The following FBXO27 variants were observed in gnomAD, a reference collection of about 807,000 sequenced individuals.
FBXO27 encodes the protein F-box protein 27, also known as F-box only protein 27.
A neutral mutation model predicts 28.3 loss-of-function variants in FBXO27; 28 were observed. The ratio of observed to expected loss-of-function variants is 0.99; its 90% CI spans 0.73 to 1.36. The LOEUF is 1.36. Among genes scored for constraint, FBXO27 ranks in the 40% most tolerant of loss-of-function variants. The pLI is 0.00. For synonymous variants in FBXO27, 175 were observed against 167.3 expected, an observed-to-expected ratio of 1.05 and a Z score of -0.36; for missense variants, 388 against 394.1, an observed-to-expected ratio of 0.98 and a Z score of 0.13.
chr19:39,016,732 A>T (rs1186027015), intron 1 of FBXO27, among the ~76,000 whole-genome samples: 2 of 151,466 alleles, frequency 1.3e-5, no homozygotes, highest in Admixed American at 1.3e-4. Flanking sequence ...ATGCAGTGAG[A>T]TGAGATTGCA....
chr19:39,010,208 T>A (rs1362324895), intron 2 of FBXO27, among the ~76,000 whole-genome samples: 2 of 151,888 alleles, frequency 1.3e-5, no homozygotes, highest in African/African-American at 4.8e-5. Flanking sequence ...CAAATCAAGA[T>A]CATAAAGAGA....
intron 1 of FBXO27, among the ~76,000 whole-genome samples, chr19:39,015,664 G>A (rs1351654658): frequency 1.3e-5 from 2 of 152,104 alleles, no homozygotes; most frequent in Non-Finnish European, 2.9e-5. Context: ...GAAAAGACCT[G>A]GAGGAACCTT....
rs541465 is a variant in FBXO27 at position 39,032,343 on chromosome 19, C to T, written c.-26-90G>A. 36,654 of 1,328,324 alleles carry T rather than the reference C, an allele frequency of 0.028. 5,140 individuals carry two copies. In the African/African-American group the frequency reaches 0.39, roughly 14 times the overall value. The allele number at this position is 1,328,324 out of a possible 1,614,324, so 82.3% of individuals were successfully genotyped here. A position where few individuals can be genotyped will look rare whatever the true frequency, so the allele number is the denominator to read the frequency against. ...GCCCTGATTCTGCCAGCCGCACCCC[C>T]GTCTTCACCATCCCTGGGCCCCGTC... is the stretch of plus-strand genomic sequence containing the variant. On this transcript the variant is annotated intron_variant, in intron 1 of 5. Coordinates refer to ENST00000292853, the MANE Select transcript of FBXO27 (RefSeq NM_178820.5). This position sits in a 1 kb window ranked among gnomAD's most constrained non-coding sequence, Gnocchi z 4.7.
chr19:39,010,476 A>G (rs1171424446), intron 2 of FBXO27, among the ~76,000 whole-genome samples: 1 of 152,168 alleles, frequency 6.6e-6, no homozygotes, highest in Non-Finnish European at 1.5e-5. Flanking sequence ...GTCTCTCCTT[A>G]TGAGGTAGGA....
intron 2 of FBXO27, among the ~76,000 whole-genome samples, chr19:39,012,629 T>TTCTTC (rs1568457306): frequency 6.6e-5 from 10 of 151,040 alleles, no homozygotes; most frequent in African/African-American, 1.9e-4. Context: ...AATTCTAAAT[T>TTCTTC]TTCTTCTTTT....
Position 39,009,901 on chromosome 19 carries a change from C to T in FBXO27, c.252+4486G>A, listed in dbSNP as rs566333924. 1.3e-5 allele frequency among the ~76,000 whole-genome samples: 2 copies of T among 152,146 alleles called. 1 individual carries two copies. The highest frequency in any genetic ancestry group is 4.1e-4 in the South Asian group (2 of 4,820). On this transcript the variant is annotated intron_variant, in intron 2 of 2. Coordinates refer to the FBXO27 transcript ENST00000598394. ...CTCAGCTCATTGCAACCTGCGTCCC[C>T]TGGGTTCAAGTGATTCTCAGGCCTC...
chr19:39,022,146 C>CTTTTTT (rs532602600), downstream of FBXO27, among the ~76,000 whole-genome samples: 3 of 89,060 alleles, frequency 3.4e-5, no homozygotes, highest in Non-Finnish European at 6.3e-5. Context: ...ATTTTCTATT[C>CTTTTTT]TTTTTTTTTT....
Position 39,031,227 on chromosome 19 carries a change from C to T in FBXO27, c.458G>A (p.Cys153Tyr). 6.2e-7 allele frequency: 1 copy of T among 1,614,156 alleles called. No individual in the cohort carries two copies. The highest frequency in any genetic ancestry group is 1.1e-5 in the South Asian group (1 of 91,076). The change falls in exon 3 of 6, where the codon TGC (cysteine) becomes TAC (tyrosine). Residue 153 changes from cysteine to tyrosine, a missense_variant. By Grantham distance (194) the Cys-to-Tyr change is radical. Coordinates refer to ENST00000292853, the MANE Select transcript of FBXO27 (RefSeq NM_178820.5). The part of the protein sequence containing the change: ...TTVPGAPSQT[C>Y]FVTSFSWCCK... ...CATTCACCTGAATGAAGTCACGAAG[C>T]ACGTCTGAGAAGGGGCCCCAGGCAC...
downstream of FBXO27, among the ~76,000 whole-genome samples, chr19:39,020,948 G>A (rs182374439): frequency 3.1e-4 from 47 of 151,966 alleles, no homozygotes; most frequent in East Asian, 4.1e-3. Context: ...TCCGCCTCCC[G>A]GGTTCAAGTG....
downstream of FBXO27, among the ~76,000 whole-genome samples, chr19:39,022,110 C>A (rs78978029): frequency 2.8e-5 from 4 of 140,756 alleles, no homozygotes; most frequent in South Asian, 9.2e-4. Context: ...CTTTTTGAAA[C>A]TTTGTGGAAG....
At chr19:39,013,639 T>A (rs2072806276) in intron 2 of FBXO27, among the ~76,000 whole-genome samples, 1 of 146,814 alleles carries the variant, frequency 6.8e-6, no homozygotes, top group African/African-American at 2.5e-5. Flanking sequence ...AAAAAAAAAT[T>A]AAAAAAAATA....
intron 1 of FBXO27, among the ~76,000 whole-genome samples, chr19:39,014,730 CAAAA>C (rs1014281791): frequency 2.1e-4 from 32 of 151,364 alleles, no homozygotes; most frequent in African/African-American, 3.2e-4. Flanking sequence ...TGTCTAAAAA[CAAAA>C]AAACAAACAA....
chr19:39,022,253 G>A (rs374230390), downstream of FBXO27, among the ~76,000 whole-genome samples: 1 of 137,942 alleles, frequency 7.2e-6, no homozygotes, highest in East Asian at 2.3e-4. Context: ...TCCCACCTCA[G>A]CCTGTCAAGT....
chr19:39,012,170 T>G (rs1383810420), intron 2 of FBXO27, among the ~76,000 whole-genome samples: 1 of 142,946 alleles, frequency 7.0e-6, no homozygotes, highest in African/African-American at 2.6e-5. Context: ...ATCCCAAAAA[T>G]GTCCTGAATT....
rs2072908748 is a variant in FBXO27, at chr19:39,032,063, C to A, written c.165G>T (p.Arg55=). ...TLLGRCRQVC[R]GWRALVDGQA... is the part of the protein sequence containing the mutation. The stretch of plus-strand genomic sequence containing the variant: ...GGCCGTCCACCAGGGCTCGCCAGCC[C>A]CGGCACACTTGGCGGCAGCGCCCGA... The change falls in exon 2 of 6, where the codon CGG becomes CGT. Residue 55 remains arginine (R), a synonymous_variant. Coordinates refer to ENST00000292853, the MANE Select transcript of FBXO27 (RefSeq NM_178820.5). The surrounding 1 kb of genome is among the most constrained non-coding windows in gnomAD (Gnocchi z 4.7). The A allele has an allele frequency of 6.5e-7, 1 of 1,532,206 alleles. No homozygotes were observed. The highest frequency in any genetic ancestry group is 2.7e-5 in the East Asian group (1 of 37,262). The allele number at this position is 1,532,206 out of a possible 1,614,324, so 94.9% of individuals were successfully genotyped here. A position where few individuals can be genotyped will look rare whatever the true frequency, so the allele number is the denominator to read the frequency against.
downstream of FBXO27, among the ~76,000 whole-genome samples, chr19:39,022,487 C>T (rs2072850264): frequency 6.6e-6 from 1 of 151,958 alleles, no homozygotes. Context: ...TGCTCTGTCA[C>T]CCAGGCTGGA....
downstream of FBXO27, among the ~76,000 whole-genome samples, chr19:39,022,680 G>T (rs530178043): frequency 1.3e-5 from 2 of 152,196 alleles, no homozygotes; most frequent in African/African-American, 4.8e-5. Context: ...TCAGTGGAGC[G>T]ATCTTGGATC....
chr19:39,019,424 C>CAAAAAAAAAAAAAAAAAAAAAAAAAAAA (rs566451562), downstream of FBXO27, among the ~76,000 whole-genome samples: 2 of 35,450 alleles, frequency 5.6e-5, 1 homozygote, highest in Non-Finnish European at 1.0e-4. Context: ...GACTCTGTCT[C>CAAAAAAAAAAAAAAAAAAAAAAAAAAAA]AAAAAAAAAA....
chr19:39,032,547 C>G lies in FBXO27; in HGVS notation c.-71G>C. 1 of 295,012 alleles carries G rather than the reference C, an allele frequency of 3.4e-6. No homozygotes were observed. The highest frequency in any genetic ancestry group is 6.3e-6 in the Non-Finnish European group (1 of 158,962). The allele number at this position is 295,012 out of a possible 1,614,324, so 18.3% of individuals were successfully genotyped here. A position where few individuals can be genotyped will look rare whatever the true frequency, so the allele number is the denominator to read the frequency against. On this transcript the variant is annotated 5_prime_UTR_variant, in exon 1 of 6. Coordinates refer to ENST00000292853, the MANE Select transcript of FBXO27 (RefSeq NM_178820.5). This position sits in a 1 kb window ranked among gnomAD's most constrained non-coding sequence, Gnocchi z 4.7. ...CCTCGCCGGGATGCCCTAGCTGTGC[C>G]GCAAGCTCCCCACGCCCCTCTGCGT...
Sources: allele counts gnomAD v4.1 joint callset (sites outside exome capture counted in the v4.1 genomes callset), GRCh38; gene constraint gnomAD v4.1.1; non-coding constraint Gnocchi (gnomAD v3.1); transcripts MANE v1.5; gene names NCBI Gene and HGNC (gene_info 2026-07-23, HGNC 2026-07-21).